FLRT3: variants seen among roughly 807,000 people sequenced by gnomAD.
The protein encoded by FLRT3 is leucine-rich repeat transmembrane protein FLRT3.
Under a neutral mutation model 42.6 loss-of-function variants are expected in FLRT3, and 17 were observed. That is an observed-to-expected ratio of 0.40 (90% CI 0.27 to 0.60). The LOEUF (loss-of-function observed/expected upper bound fraction) is 0.60. Among genes scored for constraint, FLRT3 ranks in the 20% least tolerant of loss-of-function variants. The pLI is 0.44. For synonymous variants in FLRT3, 279 were observed against 286.4 expected (o/e 0.97, Z 0.26); for missense variants, 635 against 789.2 (o/e 0.80, Z 2.34).
chr20:14,324,958 G>A lies in FLRT3; in HGVS notation c.*599C>T, dbSNP rs1464446128. On this transcript the variant is annotated 3_prime_UTR_variant, in exon 3 of 3. Coordinates refer to ENST00000341420, the MANE Select transcript of FLRT3 (RefSeq NM_198391.3). ...TTTAAGGATAATTAATTTGCCTAGA[G>A]CAAAAATGGAGATATGCAGGAAGTT... is the stretch of plus-strand genomic sequence containing the variant. 6.6e-6 allele frequency: 1 copy of A among 152,466 alleles called. No individual in the cohort carries two copies. Among genetic ancestry groups the A allele is most frequent in the Non-Finnish European group, 1.5e-5 (1 of 67,996 alleles). 9.4% of individuals were successfully genotyped at this position (152,466 alleles called of 1,614,324 possible).
At chr20:14,337,378 T>C in intron 1 of FLRT3, 26 bp downstream of exon 1, 1 of 272,984 alleles carries the variant, frequency 3.7e-6, no homozygotes, top group Non-Finnish European at 6.6e-6. Context: ...GGGACAATCA[T>C]AAGAAAAAAC....
At chr20:14,336,103 T>G (rs1185607938) in intron 1 of FLRT3, among the ~76,000 whole-genome samples, 1 of 152,146 alleles carries the variant, frequency 6.6e-6, no homozygotes, top group Non-Finnish European at 1.5e-5. Context: ...AATTTATTCT[T>G]TATGTTTAGG....
chr20:14,326,320 A>G lies in FLRT3; in HGVS notation c.1187T>C (p.Leu396Pro). ...TKQPDIKNPKLTKDHQTTGSP... is the reference protein window; with the variant it reads ...TKQPDIKNPKPTKDHQTTGSP... ...CCCTGTGGTTTGGTGATCCTTAGTG[A>G]GCTTGGGGTTCTTAATATCTGGCTG... The change falls in exon 3 of 3, where the codon CTC (leucine) becomes CCC (proline). Residue 396 changes from leucine (L) to proline (P), a missense_variant. Transcript: ENST00000341420. The surrounding 1 kb of genome is among the most constrained non-coding windows in gnomAD (Gnocchi z 5.5). The G allele has an allele frequency of 6.2e-7, 1 of 1,613,716 alleles. No individual in the cohort carries two copies.
chr20:14,330,918 C>T (rs1568561789), intron 1 of FLRT3, among the ~76,000 whole-genome samples: 2 of 151,998 alleles, frequency 1.3e-5, no homozygotes, highest in Admixed American at 6.6e-5. Flanking sequence ...GTTTTTTAAA[C>T]TTGAAAATTA....
Position 14,324,478 on chromosome 20 carries a change from T to A in FLRT3, c.*1079A>T, listed in dbSNP as rs548047718. On this transcript the variant is annotated 3_prime_UTR_variant, in exon 3 of 3. Coordinates refer to ENST00000341420, the MANE Select transcript of FLRT3 (RefSeq NM_198391.3). The stretch of plus-strand genomic sequence containing the variant: ...TAAATTGAACATTTATGTACAGTGT[T>A]AAAACCTTTGACATAAACCAGATCT... 6.5e-5 allele frequency: 10 copies of A among 152,744 alleles called. No homozygotes were observed. In the East Asian group the frequency reaches 1.9e-3, roughly 29 times the overall value. The allele number at this position is 152,744 out of a possible 1,614,324, so 9.5% of individuals were successfully genotyped here. A position where few individuals can be genotyped will look rare whatever the true frequency, so the allele number is the denominator to read the frequency against.
intron 1 of FLRT3, among the ~76,000 whole-genome samples, chr20:14,334,692 C>G (rs185020666): frequency 9.2e-5 from 14 of 151,376 alleles, no homozygotes; most frequent in African/African-American, 3.4e-4. Flanking sequence ...GGAGGAAAGA[C>G]GGAGGGGAGA....
intron 1 of FLRT3, 27 bp downstream of exon 1, chr20:14,337,377 A>G (rs779097735): frequency 2.9e-6 from 1 of 345,198 alleles, no homozygotes; most frequent in African/African-American, 2.1e-5. Context: ...TGGGACAATC[A>G]TAAGAAAAAA....
Position 14,326,306 on chromosome 20 carries a change from G to A in FLRT3, c.1201C>T (p.Gln401Ter). ...IKNPKLTKDH[Q>*]TTGSPSRKTI... is the part of the protein sequence containing the mutation. ...TTTCTTGAGGGACTCCCTGTGGTTT[G>A]GTGATCCTTAGTGAGCTTGGGGTTC... The change falls in exon 3 of 3, where the codon CAA becomes TAA. Residue 401 changes from glutamine (Q) to a stop codon, truncating the protein, a stop_gained. Coordinates refer to ENST00000341420, the MANE Select transcript of FLRT3 (RefSeq NM_198391.3). LOFTEE classifies it high-confidence loss of function. The surrounding 1 kb of genome is among the most constrained non-coding windows in gnomAD (Gnocchi z 5.5). 1 of 1,613,906 alleles carries A rather than the reference G, an allele frequency of 6.2e-7. No homozygotes were observed. Among genetic ancestry groups the A allele is most frequent in the Non-Finnish European group, 8.5e-7 (1 of 1,179,868 alleles).
chr20:14,333,654 G>A (rs1266036025), intron 1 of FLRT3, among the ~76,000 whole-genome samples: 1 of 152,164 alleles, frequency 6.6e-6, no homozygotes, highest in Non-Finnish European at 1.5e-5. Flanking sequence ...CAACTTGGTT[G>A]ATGTGCTTTA....
intron 2 of FLRT3, 38 bp from the exon 3 acceptor site, chr20:14,327,596 A>C (rs1280721826): frequency 1.5e-6 from 2 of 1,350,840 alleles, no homozygotes; most frequent in Non-Finnish European, 2.0e-6. Context: ...GAAAACAATA[A>C]GGCCAGCATA....
In FLRT3 at chr20:14,326,486, G is replaced by A; in HGVS notation, c.1021C>T (p.Arg341Cys). The A allele has an allele frequency of 1.2e-6, 2 of 1,613,838 alleles. No homozygotes were observed. The highest frequency in any genetic ancestry group is 8.5e-7 in the Non-Finnish European group (1 of 1,179,860). ...GLMCQAPEKV[R>C]GMAIKDLNAE... ...TTGAGATCCTTAATAGCCATCCCAC[G>A]AACCTTTTCTGGGGCTTGGCACATG... The change falls in exon 3 of 3, where the codon CGT (arginine) becomes TGT (cysteine). Residue 341 changes from arginine to cysteine, a missense_variant. Physicochemically the swap from Arg to Cys is radical, Grantham distance 180. Transcript: ENST00000341420. This position sits in a 1 kb window ranked among gnomAD's most constrained non-coding sequence, Gnocchi z 5.5.
In FLRT3 at chr20:14,327,380, A is replaced by G; in HGVS notation, c.127T>C (p.Tyr43His). 6.2e-7 allele frequency: 1 copy of G among 1,613,738 alleles called. No homozygotes were observed. Among genetic ancestry groups the G allele is most frequent in the Non-Finnish European group, 8.5e-7 (1 of 1,179,718 alleles). The change falls in exon 3 of 3, where the codon TAC becomes CAC. Residue 43 changes from tyrosine (Y) to histidine (H), a missense_variant. Coordinates refer to ENST00000341420, the MANE Select transcript of FLRT3 (RefSeq NM_198391.3). ...SVCRCDAGFI[Y>H]CNDRFLTSIP... ...GATGTCAGAAAGCGATCATTACAGTAAATGAAACCCGCATCGCAGCGACAC... is the reference window on the plus strand; with the variant it reads ...GATGTCAGAAAGCGATCATTACAGTGAATGAAACCCGCATCGCAGCGACAC...
At chr20:14,332,273 T>A (rs903645409) in intron 1 of FLRT3, among the ~76,000 whole-genome samples, 3 of 152,046 alleles carry the variant, frequency 2.0e-5, no homozygotes, top group African/African-American at 7.2e-5. Flanking sequence ...ATACACCCAA[T>A]AAAACATGTA....
rs1330679186 is a variant in FLRT3 at position 14,323,397 on chromosome 20, C to A, written c.*2160G>T. On this transcript the variant is annotated 3_prime_UTR_variant, in exon 3 of 3. Transcript: ENST00000341420. ...CTAGGTGGGCACAGAGCTTCCATGCCCTCTCCAGGCATGCCATCCTGCAGG... is the reference window on the plus strand; with the variant it reads ...CTAGGTGGGCACAGAGCTTCCATGCACTCTCCAGGCATGCCATCCTGCAGG... The A allele has an allele frequency of 6.6e-6, 1 of 152,044 alleles. No homozygotes were observed. The highest frequency in any genetic ancestry group is 1.5e-5 in the Non-Finnish European group (1 of 67,994). The allele number at this position is 152,044 out of a possible 1,614,324, so 9.4% of individuals were successfully genotyped here.
In FLRT3 at chr20:14,325,598, T is replaced by C. The variant is rs777642167; in HGVS notation, c.1909A>G (p.Arg637Gly). The C allele has an allele frequency of 6.2e-7, 1 of 1,613,352 alleles. No homozygotes were observed. Among genetic ancestry groups the C allele is most frequent in the Non-Finnish European group, 8.5e-7 (1 of 1,179,504 alleles). The change falls in exon 3 of 3, where the codon AGA (arginine) becomes GGA (glycine). Residue 637 changes from arginine (R) to glycine (G), a missense_variant. Coordinates refer to ENST00000341420, the MANE Select transcript of FLRT3 (RefSeq NM_198391.3). The part of the protein sequence containing the change: ...HSESSSNRSY[R>G]DSGIPDSDHS... ...TCTGAGTCTGGAATACCACTGTCTC[T>C]GTAGCTTCGGTTACTACTGCTTTCA... is the stretch of plus-strand genomic sequence containing the variant.
chr20:14,332,949 C>A (rs929278158), intron 1 of FLRT3, among the ~76,000 whole-genome samples: 2 of 152,032 alleles, frequency 1.3e-5, no homozygotes, highest in Non-Finnish European at 2.9e-5. Flanking sequence ...TACGGTTAAA[C>A]TGAAAAACTG....
At chr20:14,331,414 A>T (rs939456084) in intron 1 of FLRT3, among the ~76,000 whole-genome samples, 2 of 152,126 alleles carry the variant, frequency 1.3e-5, no homozygotes, top group Non-Finnish European at 2.9e-5. Flanking sequence ...ATGCAAACTC[A>T]CATTTGCCAT....
Position 14,326,800 on chromosome 20 carries a change from G to T in FLRT3, c.707C>A (p.Ser236Tyr). 1 of 1,613,748 alleles carries T rather than the reference G, an allele frequency of 6.2e-7. No individual in the cohort carries two copies. The highest frequency in any genetic ancestry group is 8.5e-7 in the Non-Finnish European group (1 of 1,179,826). The change falls in exon 3 of 3, where the codon TCC becomes TAC. Residue 236 changes from serine (S) to tyrosine (Y), a missense_variant. Transcript: ENST00000341420. The surrounding 1 kb of genome is among the most constrained non-coding windows in gnomAD (Gnocchi z 5.5). Reference sequence around the variant, plus strand: ...AAGGTTTACTGGTGCAGCAGTCAGGGAATTCCGCACCAGGGACAGCTCTGT... The same window carrying T: ...AAGGTTTACTGGTGCAGCAGTCAGGTAATTCCGCACCAGGGACAGCTCTGT... ...NLTELSLVRN[S>Y]LTAAPVNLPG...
At chr20:14,330,493 C>T (rs376369023) in intron 1 of FLRT3, among the ~76,000 whole-genome samples, 59 of 151,972 alleles carry the variant, frequency 3.9e-4, no homozygotes, top group South Asian at 1.0e-3. Context: ...CTCTGCTGAA[C>T]GAGTATGTTA....
Sources: gnomAD v4.1 joint callset for allele counts (sites outside exome capture counted in the v4.1 genomes callset) on GRCh38, gnomAD v4.1.1 for gene constraint, Gnocchi (gnomAD v3.1) non-coding constraint, MANE v1.5 for transcripts, NCBI Gene and HGNC (gene_info 2026-07-23, HGNC 2026-07-21) for gene names.